Variants in ATXN7L3B observed in about 807,000 individuals in gnomAD.
ATXN7L3B encodes the protein ataxin 7 like 3B, also known as ataxin-7-like protein 3B.
Under a neutral mutation model 6.3 loss-of-function variants are expected in ATXN7L3B, and 4 were observed. That is an observed-to-expected ratio of 0.63 (90% CI 0.31 to 1.45). ATXN7L3B has a LOEUF of 1.45. Among genes scored for constraint, ATXN7L3B ranks in the 40% most tolerant of loss-of-function variants. ATXN7L3B has a pLI of 0.07. For missense variants in ATXN7L3B, 120 were observed against 118.5 expected (o/e 1.01, Z -0.06); for synonymous variants, 63 against 48.0 (o/e 1.31, Z -1.29).
At position 74,538,615 on chromosome 12, in the gene ATXN7L3B, C is replaced by G. The variant is rs1868792688; in HGVS notation, c.*209C>G. On this transcript the variant is annotated 3_prime_UTR_variant, in exon 1 of 1. Coordinates refer to ENST00000519948, the MANE Select transcript of ATXN7L3B (RefSeq NM_001136262.2). ...CTGGAGCAAGCTCTGAAGCCCTGGG[C>G]AGGAGGAGCTGCACAGCCTGCGGGC... is the stretch of plus-strand genomic sequence containing the variant. The G allele has an allele frequency of 1.0e-5, 6 of 592,256 alleles. No individual in the cohort carries two copies. Among genetic ancestry groups the G allele is most frequent in the South Asian group, 2.1e-5 (1 of 48,490 alleles). 36.7% of individuals were successfully genotyped at this position (592,256 alleles called of 1,614,324 possible).
rs1868997651 is a variant in ATXN7L3B at position 74,545,375 on chromosome 12, A to T, written c.*6969A>T. 6.6e-6 allele frequency: 1 copy of T among 152,132 alleles called. No individual in the cohort carries two copies. The highest frequency in any genetic ancestry group is 1.5e-5 in the Non-Finnish European group (1 of 67,952). The allele number at this position is 152,132 out of a possible 1,614,324, so 9.4% of individuals were successfully genotyped here. A position where few individuals can be genotyped will look rare whatever the true frequency, so the allele number is the denominator to read the frequency against. ...TTGATGTTTAACAATAGGCAAATCA[A>T]TGCTGTATGTTGTTTAAATAATTGT... On this transcript the variant is annotated 3_prime_UTR_variant, in exon 1 of 1. Transcript: ENST00000519948.
chr12:74,537,990 C>A lies in ATXN7L3B; in HGVS notation c.-123C>A. On this transcript the variant is annotated 5_prime_UTR_variant, in exon 1 of 1. Transcript: ENST00000519948. The stretch of plus-strand genomic sequence containing the variant: ...CTGCTCCTGCAGTTGCGGACGCCAC[C>A]GACCCCGCCGCCGGAGGACTGGGCA... 1 of 891,056 alleles carries A rather than the reference C, an allele frequency of 1.1e-6. No individual in the cohort carries two copies. Among genetic ancestry groups the A allele is most frequent in the Non-Finnish European group, 1.7e-6 (1 of 591,844 alleles). The allele number at this position is 891,056 out of a possible 1,614,324, so 55.2% of individuals were successfully genotyped here.
chr12:74,538,481 T>G lies in ATXN7L3B; in HGVS notation c.*75T>G. On this transcript the variant is annotated 3_prime_UTR_variant, in exon 1 of 1. Coordinates refer to ENST00000519948, the MANE Select transcript of ATXN7L3B (RefSeq NM_001136262.2). The stretch of plus-strand genomic sequence containing the variant: ...CTGTGGCTTCGAGGAGTAAGCTAAG[T>G]AGAAAAAAGTAGAAAAATCAGACAA... The G allele has an allele frequency of 7.8e-7, 1 of 1,289,334 alleles. No homozygotes were observed. The highest frequency in any genetic ancestry group is 1.1e-6 in the Non-Finnish European group (1 of 950,784). 79.9% of individuals were successfully genotyped at this position (1,289,334 alleles called of 1,614,324 possible).
chr12:74,544,696 G>A lies in ATXN7L3B; in HGVS notation c.*6290G>A, dbSNP rs1592597386. ...CAAATCTTTCTAGAAAAATATAGGAGGATGTGTTCATAATTGTGTATAAGG... is the reference window on the plus strand; with the variant it reads ...CAAATCTTTCTAGAAAAATATAGGAAGATGTGTTCATAATTGTGTATAAGG... On this transcript the variant is annotated 3_prime_UTR_variant, in exon 1 of 1. Coordinates refer to ENST00000519948, the MANE Select transcript of ATXN7L3B (RefSeq NM_001136262.2). 2 of 151,930 alleles carry A rather than the reference G, an allele frequency of 1.3e-5. No individual in the cohort carries two copies. Among genetic ancestry groups the A allele is most frequent in the Non-Finnish European group, 1.5e-5 (1 of 67,842 alleles). The allele number at this position is 151,930 out of a possible 1,614,324, so 9.4% of individuals were successfully genotyped here.
chr12:74,537,925 A>C lies in ATXN7L3B; in HGVS notation c.-188A>C, dbSNP rs1379002574. The stretch of plus-strand genomic sequence containing the variant: ...CCGCAACCCGGGAAACGTCAAAACA[A>C]ACAGAAGGACTTGGGATTCCGGAGC... On this transcript the variant is annotated 5_prime_UTR_variant, in exon 1 of 1. Coordinates refer to ENST00000519948, the MANE Select transcript of ATXN7L3B (RefSeq NM_001136262.2). 1.6e-6 allele frequency: 1 copy of C among 609,856 alleles called. No individual in the cohort carries two copies. The allele number at this position is 609,856 out of a possible 1,614,324, so 37.8% of individuals were successfully genotyped here. A position where few individuals can be genotyped will look rare whatever the true frequency, so the allele number is the denominator to read the frequency against.
chr12:74,542,265 T>G lies in ATXN7L3B; in HGVS notation c.*3859T>G, dbSNP rs1310467179. On this transcript the variant is annotated 3_prime_UTR_variant, in exon 1 of 1. Coordinates refer to ENST00000519948, the MANE Select transcript of ATXN7L3B (RefSeq NM_001136262.2). Reference sequence around the variant, plus strand: ...AAAATTTGACGTGTGAAACCCATGATGTAACCATAGCAGGAGAAATTCTTC... The same window carrying G: ...AAAATTTGACGTGTGAAACCCATGAGGTAACCATAGCAGGAGAAATTCTTC... 2 of 152,194 alleles carry G rather than the reference T, an allele frequency of 1.3e-5. No homozygotes were observed. Among genetic ancestry groups the G allele is most frequent in the African/African-American group, 4.8e-5 (2 of 41,462 alleles). The allele number at this position is 152,194 out of a possible 1,614,324, so 9.4% of individuals were successfully genotyped here.
chr12:74,541,052 C>T lies in ATXN7L3B; in HGVS notation c.*2646C>T, dbSNP rs900986068. The stretch of plus-strand genomic sequence containing the variant: ...AGGAACTCTCCCTTTCCCTACCTAC[C>T]TTCCTTTTAATAGCAGAATTCCTAT... On this transcript the variant is annotated 3_prime_UTR_variant, in exon 1 of 1. Coordinates refer to ENST00000519948, the MANE Select transcript of ATXN7L3B (RefSeq NM_001136262.2). 2 of 167,028 alleles carry T rather than the reference C, an allele frequency of 1.2e-5. No individual in the cohort carries two copies. Among genetic ancestry groups the T allele is most frequent in the African/African-American group, 4.8e-5 (2 of 41,372 alleles). 10.3% of individuals were successfully genotyped at this position (167,028 alleles called of 1,614,324 possible).
chr12:74,538,549 A>G lies in ATXN7L3B; in HGVS notation c.*143A>G. Reference sequence around the variant, plus strand: ...TGAAGATCCTAGCATTTAAAAACCCAAAGTGGATAATTTAGGAATCCTTTT... The same window carrying G: ...TGAAGATCCTAGCATTTAAAAACCCGAAGTGGATAATTTAGGAATCCTTTT... On this transcript the variant is annotated 3_prime_UTR_variant, in exon 1 of 1. Coordinates refer to ENST00000519948, the MANE Select transcript of ATXN7L3B (RefSeq NM_001136262.2). The G allele has an allele frequency of 1.3e-6, 1 of 786,756 alleles. No homozygotes were observed. Among genetic ancestry groups the G allele is most frequent in the East Asian group, 2.7e-5 (1 of 37,046 alleles). 48.7% of individuals were successfully genotyped at this position (786,756 alleles called of 1,614,324 possible).
chr12:74,538,257 G>A lies in ATXN7L3B; in HGVS notation c.145G>A (p.Glu49Lys). 1 of 1,588,318 alleles carries A rather than the reference G, an allele frequency of 6.3e-7. No individual in the cohort carries two copies. Among genetic ancestry groups the A allele is most frequent in the Non-Finnish European group, 8.6e-7 (1 of 1,167,174 alleles). ...RAVKCGYFYL[E>K]FAETGSVKDF... Reference sequence around the variant, plus strand: ...AGTCAAGTGTGGCTACTTCTACCTGGAGTTCGCAGAGACTGGTAGCGTGAA... The same window carrying A: ...AGTCAAGTGTGGCTACTTCTACCTGAAGTTCGCAGAGACTGGTAGCGTGAA... The change falls in exon 1 of 1, where the codon GAG becomes AAG. Residue 49 changes from glutamate to lysine, a missense_variant. Glu to Lys is a moderately conservative substitution (Grantham distance 56, BLOSUM62 1). Transcript: ENST00000519948.
chr12:74,544,084 GCA>G lies in ATXN7L3B; in HGVS notation c.*5681_*5682del, dbSNP rs1868961960. On this transcript the variant is annotated 3_prime_UTR_variant, in exon 1 of 1. Coordinates refer to ENST00000519948, the MANE Select transcript of ATXN7L3B (RefSeq NM_001136262.2). ...CCATTGAAAGTAGTGAGAAAATTTA[GCA>G]CAGTTACTGGATATAAGATCAATAT... The G allele has an allele frequency of 6.6e-6, 1 of 151,936 alleles. No individual in the cohort carries two copies. Among genetic ancestry groups the G allele is most frequent in the East Asian group, 1.9e-4 (1 of 5,192 alleles). 9.4% of individuals were successfully genotyped at this position (151,936 alleles called of 1,614,324 possible).
rs1049667439 is a variant in ATXN7L3B, at chr12:74,544,693, G to A, written c.*6287G>A. 2 of 151,946 alleles carry A rather than the reference G, an allele frequency of 1.3e-5. No homozygotes were observed. The highest frequency in any genetic ancestry group is 4.8e-5 in the African/African-American group (2 of 41,424). 9.4% of individuals were successfully genotyped at this position (151,946 alleles called of 1,614,324 possible). On this transcript the variant is annotated 3_prime_UTR_variant, in exon 1 of 1. Transcript: ENST00000519948. Reference sequence around the variant, plus strand: ...TGTCAAATCTTTCTAGAAAAATATAGGAGGATGTGTTCATAATTGTGTATA... The same window carrying A: ...TGTCAAATCTTTCTAGAAAAATATAAGAGGATGTGTTCATAATTGTGTATA...
Position 74,538,083 on chromosome 12 carries a change from C to A in ATXN7L3B, c.-30C>A. The A allele has an allele frequency of 1.9e-6, 3 of 1,542,278 alleles. No homozygotes were observed. Among genetic ancestry groups the A allele is most frequent in the Non-Finnish European group, 1.8e-6 (2 of 1,140,450 alleles). ...GTGTTGCTGCCGTGAGTAAAACGAG[C>A]GCCCTCTCCGCACTCGTTTACAAAT... On this transcript the variant is annotated 5_prime_UTR_variant, in exon 1 of 1. Coordinates refer to ENST00000519948, the MANE Select transcript of ATXN7L3B (RefSeq NM_001136262.2).
chr12:74,542,219 G>A lies in ATXN7L3B; in HGVS notation c.*3813G>A, dbSNP rs1427580341. The A allele has an allele frequency of 1.3e-5, 2 of 152,158 alleles. No individual in the cohort carries two copies. Among genetic ancestry groups the A allele is most frequent in the Non-Finnish European group, 2.9e-5 (2 of 68,014 alleles). The allele number at this position is 152,158 out of a possible 1,614,324, so 9.4% of individuals were successfully genotyped here. A position where few individuals can be genotyped will look rare whatever the true frequency, so the allele number is the denominator to read the frequency against. On this transcript the variant is annotated 3_prime_UTR_variant, in exon 1 of 1. Transcript: ENST00000519948. Reference sequence around the variant, plus strand: ...CCAGTTTAAATAGGCCAGGGCCAACGTGGTGATTTGAGAAAACTTAAAAAT... The same window carrying A: ...CCAGTTTAAATAGGCCAGGGCCAACATGGTGATTTGAGAAAACTTAAAAAT...
In ATXN7L3B at chr12:74,538,219, A is replaced by G; in HGVS notation, c.107A>G (p.Glu36Gly). ...GATTCTTGTTTGGGATTCTGCTTTG[A>G]GGTGCACCGGGCAGTCAAGTGTGGC... ...IEDSCLGFCF[E>G]VHRAVKCGYF... Residue 36 changes from glutamate to glycine, a missense_variant, in exon 1 of 1, where the codon GAG (glutamate) becomes GGG (glycine). By Grantham distance (98) the Glu-to-Gly change is moderately conservative (BLOSUM62 -2). Transcript: ENST00000519948. 6.2e-7 allele frequency: 1 copy of G among 1,604,272 alleles called. No homozygotes were observed. Among genetic ancestry groups the G allele is most frequent in the Non-Finnish European group, 8.5e-7 (1 of 1,175,076 alleles).
At position 74,544,283 on chromosome 12, in the gene ATXN7L3B, C is replaced by T. The variant is rs902904920; in HGVS notation, c.*5877C>T. The T allele has an allele frequency of 2.1e-5, 3 of 143,900 alleles. No homozygotes were observed. Among genetic ancestry groups the T allele is most frequent in the Non-Finnish European group, 3.0e-5 (2 of 65,846 alleles). The allele number at this position is 143,900 out of a possible 1,614,324, so 8.9% of individuals were successfully genotyped here. The stretch of plus-strand genomic sequence containing the variant: ...CAAGTAAATGGAGAGAAGATGTTCA[C>T]GCACAGAAAATGCAATCAATATCAT... On this transcript the variant is annotated 3_prime_UTR_variant, in exon 1 of 1. Coordinates refer to ENST00000519948, the MANE Select transcript of ATXN7L3B (RefSeq NM_001136262.2).
Position 74,537,876 on chromosome 12 carries a change from C to T in ATXN7L3B, c.-237C>T. On this transcript the variant is annotated 5_prime_UTR_variant, in exon 1 of 1. Coordinates refer to ENST00000519948, the MANE Select transcript of ATXN7L3B (RefSeq NM_001136262.2). ...CGCTGAGACGGTTTGGCGGTGAGTC[C>T]TGGGCCAGGCGCAGCTGAAAGGCCC... 1 of 541,338 alleles carries T rather than the reference C, an allele frequency of 1.8e-6. No homozygotes were observed. The highest frequency in any genetic ancestry group is 3.2e-5 in the East Asian group (1 of 31,234). 33.5% of individuals were successfully genotyped at this position (541,338 alleles called of 1,614,324 possible).
In ATXN7L3B at chr12:74,538,364, G is replaced by C; in HGVS notation, c.252G>C (p.Gly84=). ...LCSLPGEPGN[G]PDQQLQRSPP... ...CCCTTCCCGGAGAACCTGGGAATGG[G>C]CCTGATCAGCAGCTGCAGCGCTCAC... The change falls in exon 1 of 1, where the codon GGG becomes GGC. Residue 84 remains glycine, a synonymous_variant. Transcript: ENST00000519948. 1 of 1,551,830 alleles carries C rather than the reference G, an allele frequency of 6.4e-7. No homozygotes were observed. The highest frequency in any genetic ancestry group is 8.7e-7 in the Non-Finnish European group (1 of 1,147,024).
In ATXN7L3B at chr12:74,539,045, TC is replaced by T. The variant is rs1868810549; in HGVS notation, c.*640del. Reference sequence around the variant, plus strand: ...TCCCAAAAGTCCAGACTACAATGATTCAGCTGACTTGAGGACAAGGCCTAGC... The same window carrying T: ...TCCCAAAAGTCCAGACTACAATGATTAGCTGACTTGAGGACAAGGCCTAGC... On this transcript the variant is annotated 3_prime_UTR_variant, in exon 1 of 1. Coordinates refer to ENST00000519948, the MANE Select transcript of ATXN7L3B (RefSeq NM_001136262.2). The T allele has an allele frequency of 6.0e-6, 1 of 167,622 alleles. No homozygotes were observed. The highest frequency in any genetic ancestry group is 2.4e-5 in the African/African-American group (1 of 41,466). The allele number at this position is 167,622 out of a possible 1,614,324, so 10.4% of individuals were successfully genotyped here. A position where few individuals can be genotyped will look rare whatever the true frequency, so the allele number is the denominator to read the frequency against.
Position 74,540,262 on chromosome 12 carries a change from T to TA in ATXN7L3B, c.*1857dup, listed in dbSNP as rs2136588315. The stretch of plus-strand genomic sequence containing the variant: ...GCTAGTGTGCCCTCTTGCTGTGTCT[T>TA]ACTTCATAAGGAGTTGTATCTTCCC... On this transcript the variant is annotated 3_prime_UTR_variant, in exon 1 of 1. Transcript: ENST00000519948. 1 of 167,210 alleles carries TA rather than the reference T, an allele frequency of 6.0e-6. No homozygotes were observed. Among genetic ancestry groups the TA allele is most frequent in the South Asian group, 2.1e-4 (1 of 4,824 alleles). The allele number at this position is 167,210 out of a possible 1,614,324, so 10.4% of individuals were successfully genotyped here.
Sources: gnomAD v4.1 joint callset for allele counts on GRCh38, gnomAD v4.1.1 for gene constraint, MANE v1.5 for transcripts, NCBI Gene and HGNC (gene_info 2026-07-23, HGNC 2026-07-21) for gene names.